Variants in GFRA1 observed in about 807,000 individuals in gnomAD.
The protein encoded by GFRA1 is GDNF family receptor alpha-1.
Under a neutral mutation model 51.6 loss-of-function variants are expected in GFRA1, and 16 were observed. The ratio of observed to expected loss-of-function variants is 0.31; its 90% confidence interval spans 0.21 to 0.47. The LOEUF (loss-of-function observed/expected upper bound fraction) is 0.47, where lower values mean the gene tolerates loss of function less well. GFRA1 is among the 20% of genes least tolerant of loss of function. The pLI, the probability that GFRA1 is intolerant of heterozygous loss-of-function variation, is 1.00. For missense variants in GFRA1, 530 were observed against 594.3 expected (o/e 0.89, Z 1.13); for synonymous variants, 270 against 241.3 (o/e 1.12, Z -1.10).
At chr10:116,217,049 A>T (rs1178493425) in intron 4 of GFRA1, among the ~76,000 whole-genome samples, 3 of 152,202 alleles carry the variant, frequency 2.0e-5, no homozygotes, top group African/African-American at 7.2e-5. Flanking sequence ...TTATGTTGAA[A>T]AGTGGGGCCC....
intron 7 of GFRA1, among the ~76,000 whole-genome samples, chr10:116,094,690 T>C (rs2133897818): frequency 6.6e-6 from 1 of 152,314 alleles, no homozygotes; most frequent in East Asian, 1.9e-4. Context: ...TGTATTTGGA[T>C]CACAAACAGA....
At chr10:116,208,357 A>G (rs1330008436) in intron 5 of GFRA1, among the ~76,000 whole-genome samples, 1 of 152,126 alleles carries the variant, frequency 6.6e-6, no homozygotes. Context: ...AAGCTAGACT[A>G]TAAGTTCCAC....
chr10:116,266,812 T>G (rs1421923169), intron 4 of GFRA1, among the ~76,000 whole-genome samples: 2 of 152,140 alleles, frequency 1.3e-5, no homozygotes, highest in Non-Finnish European at 2.9e-5. Context: ...TCCTTAACAG[T>G]TGAAATGATT....
At chr10:116,133,129 C>T (rs11197545) in intron 5 of GFRA1, among the ~76,000 whole-genome samples, 32,288 of 151,762 alleles carry the variant, frequency 0.21, 3,514 homozygotes, top group Middle Eastern at 0.26. Context: ...AGAATGAACG[C>T]TGTTTACTAG....
chr10:116,247,964 T>C (rs937650320), intron 4 of GFRA1, among the ~76,000 whole-genome samples: 34 of 152,202 alleles, frequency 2.2e-4, no homozygotes, highest in African/African-American at 8.0e-4. Flanking sequence ...CAGCTTTCCC[T>C]GTAATAGTTT....
intron 4 of GFRA1, among the ~76,000 whole-genome samples, chr10:116,233,020 T>C (rs1038192878): frequency 6.6e-6 from 1 of 152,180 alleles, no homozygotes; most frequent in Non-Finnish European, 1.5e-5. Flanking sequence ...TTTACTTCTT[T>C]CTTGTTATTT....
In GFRA1 at chr10:116,125,236, G is replaced by A. The variant is rs138633134; in HGVS notation, c.755C>T (p.Thr252Met). ...NCLNLQDSCK[T>M]NYICRSRLAD... The stretch of plus-strand genomic sequence containing the variant: ...GCCCACTTACCTGCAGATGTAATTC[G>A]TCTTGCAGGAGTCCTGCAAATTCAA... The change falls in exon 6 of 11, where the codon ACG (threonine) becomes ATG (methionine). Residue 252 changes from threonine to methionine, a missense_variant. Physicochemically the swap from Thr to Met is moderately conservative, Grantham distance 81 (BLOSUM62 -1). Coordinates refer to ENST00000355422, the MANE Select transcript of GFRA1 (RefSeq NM_005264.8). 634 of 1,613,496 alleles carry A rather than the reference G, an allele frequency of 3.9e-4. 1 individual carries two copies. The African/African-American group carries it at 6.8e-3, about 17-fold the overall frequency.
At chr10:116,174,934 T>C (rs989311262) in intron 5 of GFRA1, among the ~76,000 whole-genome samples, 1 of 152,178 alleles carries the variant, frequency 6.6e-6, no homozygotes, top group African/African-American at 2.4e-5. Context: ...CCGTTCCTTA[T>C]AACTGATGAG....
At position 116,165,782 on chromosome 10, in the gene GFRA1, T is replaced by C. The variant is rs544288336; in HGVS notation, c.434-40225A>G. 4.0e-4 allele frequency among the ~76,000 whole-genome samples: 61 copies of C among 152,048 alleles called. No homozygotes were observed. In the South Asian group the frequency reaches 6.2e-3, roughly 16 times the overall value. On this transcript the variant is annotated intron_variant, in intron 5 of 10. Transcript: ENST00000355422. ...AGAGGAAAATAGGACCTTGTGGCGA[T>C]TTATTTTTATTTTATTCTATTTTTT...
intron 4 of GFRA1, among the ~76,000 whole-genome samples, chr10:116,260,757 G>C (rs1969240564): frequency 6.6e-6 from 1 of 152,218 alleles, no homozygotes; most frequent in Admixed American, 6.5e-5. Context: ...AGAATGGAAA[G>C]AGAGATGAAA....
chr10:116,191,764 C>T (rs900410000), intron 5 of GFRA1, among the ~76,000 whole-genome samples: 1 of 152,234 alleles, frequency 6.6e-6, no homozygotes, highest in Admixed American at 6.5e-5. Flanking sequence ...CAGTGGCTCA[C>T]GCCTGTAATC....
At chr10:116,161,993 T>G (rs1327874970) in intron 5 of GFRA1, among the ~76,000 whole-genome samples, 1 of 152,220 alleles carries the variant, frequency 6.6e-6, no homozygotes, top group Non-Finnish European at 1.5e-5. Context: ...TCTCAGATAA[T>G]AACCCCCTTG....
At chr10:116,160,746 G>T (rs1959676988) in intron 5 of GFRA1, among the ~76,000 whole-genome samples, 1 of 152,144 alleles carries the variant, frequency 6.6e-6, no homozygotes, top group Non-Finnish European at 1.5e-5. Flanking sequence ...CATGCATTTA[G>T]ACAACCCCCA....
At position 116,093,828 on chromosome 10, in the gene GFRA1, T is replaced by C; in HGVS notation, c.889A>G (p.Met297Val). 2 of 1,614,102 alleles carry C rather than the reference T, an allele frequency of 1.2e-6. No homozygotes were observed. Among genetic ancestry groups the C allele is most frequent in the Non-Finnish European group, 1.7e-6 (2 of 1,179,934 alleles). Residue 297 changes from methionine to valine, a missense_variant, in exon 8 of 11, where the codon ATG (methionine) becomes GTG (valine). Met to Val is a conservative substitution (Grantham distance 21, BLOSUM62 1). Transcript: ENST00000355422. ...CTGGAGTCTATGTAGTTGGGGGTCA[T>C]GACTGTGCCTAAAAGAATAAAAACA... ...LAYSGLIGTV[M>V]TPNYIDSSSL...
intron 5 of GFRA1, among the ~76,000 whole-genome samples, chr10:116,205,708 G>A (rs955310487): frequency 6.6e-6 from 1 of 150,928 alleles, no homozygotes; most frequent in African/African-American, 2.4e-5. Context: ...TCCTGATAAG[G>A]AATTTTGAAA....
chr10:116,088,874 T>C (rs952722201), intron 9 of GFRA1, among the ~76,000 whole-genome samples: 5 of 129,396 alleles, frequency 3.9e-5, no homozygotes, highest in African/African-American at 1.5e-4. Context: ...TGAGCCGAGA[T>C]TGCACCACTG....
intron 6 of GFRA1, among the ~76,000 whole-genome samples, chr10:116,117,549 G>C (rs772051019): frequency 7.5e-5 from 9 of 120,696 alleles, no homozygotes; most frequent in Non-Finnish European, 1.2e-4. Flanking sequence ...GGGTGGGTGG[G>C]TGGGTGTGTG....
rs532509506 is a variant in GFRA1 at position 116,126,421 on chromosome 10, C to T, written c.434-864G>A. On this transcript the variant is annotated intron_variant, in intron 5 of 10. Coordinates refer to ENST00000355422, the MANE Select transcript of GFRA1 (RefSeq NM_005264.8). ...TGCCCTCTGCTGTCTGCAGCGAGAG[C>T]ATGGTGGAGGCAGGGCCCACTCGGT... 2.0e-4 allele frequency among the ~76,000 whole-genome samples: 30 copies of T among 152,386 alleles called. 1 individual carries two copies. The highest frequency in any genetic ancestry group is 1.2e-4 in the Non-Finnish European group (8 of 68,034).
chr10:116,094,276 T>C (rs991988484), intron 7 of GFRA1, among the ~76,000 whole-genome samples: 2 of 152,160 alleles, frequency 1.3e-5, no homozygotes, highest in Admixed American at 1.3e-4. Flanking sequence ...TTCTTTAGAG[T>C]GACATAGGGA....
Sources: allele counts gnomAD v4.1 joint callset (sites outside exome capture counted in the v4.1 genomes callset), GRCh38; gene constraint gnomAD v4.1.1; transcripts MANE v1.5; gene names NCBI Gene and HGNC (gene_info 2026-07-23, HGNC 2026-07-21).